The following MYLK variants were observed in gnomAD, a reference collection of about 807,000 sequenced individuals.
MYLK encodes myosin light chain kinase, also known as myosin light chain kinase, smooth muscle.
MYLK carries 106 observed loss-of-function variants against 203.4 expected under a neutral mutation model. The ratio of observed to expected loss-of-function variants is 0.52; its 90% CI spans 0.45 to 0.61. The LOEUF is 0.61. Ranked by LOEUF, MYLK falls within the 20% of genes least tolerant of loss-of-function variation. The pLI, the probability that MYLK is intolerant of heterozygous loss-of-function variation, is 0.00. For synonymous variants in MYLK, 867 were observed against 959.5 expected, an observed-to-expected ratio of 0.90 and a Z score of 1.78; for missense variants, 2,072 against 2,442.3, an observed-to-expected ratio of 0.85 and a Z score of 3.20.
At chr3:123,786,526 G>A (rs2064532866) in intron 4 of MYLK, among the ~76,000 whole-genome samples, 5 of 112,048 alleles carry the variant, frequency 4.5e-5, no homozygotes, top group African/African-American at 6.7e-5. Flanking sequence ...GAGGGTGGGG[G>A]TGGGGGAGGA....
intron 4 of MYLK, among the ~76,000 whole-genome samples, chr3:123,767,638 G>A (rs2063748429): frequency 6.6e-6 from 1 of 152,134 alleles, no homozygotes; most frequent in Admixed American, 6.5e-5. Context: ...ACAAATGCAT[G>A]GCTGGTGCCA....
intron 4 of MYLK, among the ~76,000 whole-genome samples, chr3:123,760,564 T>A (rs888775102): frequency 6.6e-6 from 1 of 152,184 alleles, no homozygotes; most frequent in Non-Finnish European, 1.5e-5. Context: ...CTTCTTTTCT[T>A]CAAAGTCAAC....
intron 2 of MYLK, among the ~76,000 whole-genome samples, chr3:123,834,183 C>G (rs1306120722): frequency 1.3e-5 from 2 of 152,074 alleles, no homozygotes; most frequent in Non-Finnish European, 2.9e-5. Flanking sequence ...GTAGTTGGGA[C>G]TACAGGTGCA....
At chr3:123,859,325 G>C (rs187942549) in intron 2 of MYLK, among the ~76,000 whole-genome samples, 6 of 152,334 alleles carry the variant, frequency 3.9e-5, no homozygotes, top group Admixed American at 6.5e-5. Context: ...GCAACTAAAT[G>C]TTTAACATTA....
At chr3:123,716,782 G>T (rs2061909651) in intron 13 of MYLK, among the ~76,000 whole-genome samples, 1 of 152,106 alleles carries the variant, frequency 6.6e-6, no homozygotes, top group Non-Finnish European at 1.5e-5. Context: ...GACTGACTAT[G>T]GGCTGTAGAG....
intron 2 of MYLK, among the ~76,000 whole-genome samples, chr3:123,848,715 G>C (rs1461174554): frequency 6.6e-6 from 1 of 152,110 alleles, no homozygotes; most frequent in Non-Finnish European, 1.5e-5. Context: ...TGCTAAACTG[G>C]AAGTAAAGCA....
intron 8 of MYLK, 86 bp downstream of exon 8, chr3:123,737,292 C>G: frequency 6.4e-7 from 1 of 1,561,924 alleles, no homozygotes; most frequent in South Asian, 1.1e-5. Context: ...TATACACACA[C>G]AGGTGCGCAG....
Position 123,666,233 on chromosome 3 carries a change from T to G in MYLK, c.3817A>C (p.Lys1273Gln). 2.5e-6 allele frequency: 4 copies of G among 1,614,218 alleles called. No individual in the cohort carries two copies. Among genetic ancestry groups the G allele is most frequent in the Non-Finnish European group, 3.4e-6 (4 of 1,180,032 alleles). Reference sequence around the variant, plus strand: ...CCGTCACTGACCTGCTTTCGGAACTTCATCCAGGTACAGGTGATGGGCTGA... The same window carrying G: ...CCGTCACTGACCTGCTTTCGGAACTGCATCCAGGTACAGGTGATGGGCTGA... Reference protein sequence around the residue: ...GTQPITCTWMKFRKQIQESEH... With the variant: ...GTQPITCTWMQFRKQIQESEH... Residue 1273 changes from lysine (K) to glutamine (Q), a missense_variant, in exon 22 of 34, where the codon AAG becomes CAG. Around this residue, in one of 3 missense-constraint regions of MYLK, gnomAD observed 865 missense variants for 1,016.0 expected, o/e 0.85. Coordinates refer to ENST00000360304, the MANE Select transcript of MYLK (RefSeq NM_053025.4).
intron 3 of MYLK, among the ~76,000 whole-genome samples, chr3:123,806,081 TTTTTA>T (rs145916864): frequency 0.46 from 69,215 of 151,614 alleles, 18,782 homozygotes; most frequent in Non-Finnish European, 0.64. Context: ...CATGCTTTTA[TTTTTA>T]TTTTATTTTT....
chr3:123,824,340 T>C (rs2066041993), intron 3 of MYLK, among the ~76,000 whole-genome samples: 1 of 152,210 alleles, frequency 6.6e-6, no homozygotes, highest in African/African-American at 2.4e-5. Flanking sequence ...TCCATCCGCC[T>C]TGGTCTCCCA....
intron 2 of MYLK, among the ~76,000 whole-genome samples, chr3:123,837,069 C>T (rs1002828208): frequency 7.2e-5 from 11 of 152,080 alleles, no homozygotes; most frequent in East Asian, 1.9e-4. Flanking sequence ...GACGGAGTTT[C>T]GCTCTTGTTG....
Position 123,640,692 on chromosome 3 carries a change from T to C in MYLK, c.4620-188A>G, listed in dbSNP as rs2306603. ...AGGGTCAGGGCCTCCTGGTTTCCCA[T>C]CAGGGAACCCTGCCCTGCACCTTCT... is the stretch of plus-strand genomic sequence containing the variant. On this transcript the variant is annotated intron_variant, in intron 27 of 33. Transcript: ENST00000360304. The surrounding 1 kb of genome is among the most constrained non-coding windows in gnomAD (Gnocchi z 4.3). Among the ~76,000 whole-genome samples, 18,345 of 152,116 alleles carry C rather than the reference T, an allele frequency of 0.12. 2,600 individuals are homozygous for C. Among genetic ancestry groups the C allele is most frequent in the East Asian group, 0.59 (3,029 of 5,100 alleles).
intron 16 of MYLK, among the ~76,000 whole-genome samples, chr3:123,704,016 G>A (rs2061353176): frequency 6.6e-6 from 1 of 152,220 alleles, no homozygotes; most frequent in Admixed American, 6.5e-5. Context: ...GCAGGTAAGG[G>A]CTTCTGTCAC....
At chr3:123,865,686 C>T (rs16834828) in intron 2 of MYLK, among the ~76,000 whole-genome samples, 1 of 152,146 alleles carries the variant, frequency 6.6e-6, no homozygotes, top group Non-Finnish European at 1.5e-5. Context: ...ATTTTTACTT[C>T]AGGTTAACTT....
intron 16 of MYLK, among the ~76,000 whole-genome samples, chr3:123,706,696 G>A (rs145313553): frequency 0.015 from 2,312 of 151,902 alleles, 59 homozygotes; most frequent in South Asian, 0.085. Flanking sequence ...ACCCAATGTC[G>A]ACTATGGGCT....
chr3:123,771,604 TA>T (rs2108986592), intron 4 of MYLK, among the ~76,000 whole-genome samples: 1 of 152,348 alleles, frequency 6.6e-6, no homozygotes, highest in East Asian at 1.9e-4. Flanking sequence ...TGTTCAATGA[TA>T]AAAGCATTAA....
chr3:123,615,401 T>C (rs1469342032), intron 33 of MYLK, among the ~76,000 whole-genome samples: 1 of 151,994 alleles, frequency 6.6e-6, no homozygotes. Context: ...TAGCGTGATC[T>C]TGGCTCACTG....
At position 123,853,122 on chromosome 3, in the gene MYLK, TAG is replaced by T. The variant is rs112949209; in HGVS notation, c.-126-21454_-126-21453del. On this transcript the variant is annotated intron_variant, in intron 2 of 33. Transcript: ENST00000360304. ...CTAATCCCAAGTCACCGAATAACTCTAGAGAGAAAAAAAAAAATTGTGGGTGT... is the reference window on the plus strand; with the variant it reads ...CTAATCCCAAGTCACCGAATAACTCTAGAGAAAAAAAAAAATTGTGGGTGT... Among the ~76,000 whole-genome samples the T allele has an allele frequency of 6.6e-3, 994 of 151,444 alleles. 9 individuals are homozygous for T. The highest frequency in any genetic ancestry group is 0.02 in the African/African-American group (839 of 41,340).
intron 5 of MYLK, 115 bp from the exon 6 acceptor site, chr3:123,740,116 T>TGAGC (rs2062813064): frequency 1.0e-6 from 1 of 978,220 alleles, no homozygotes; most frequent in Non-Finnish European, 1.6e-6. Context: ...TAATCTTGAC[T>TGAGC]GAGCATGGGC....
Sources: gnomAD v4.1 joint callset for allele counts (sites outside exome capture counted in the v4.1 genomes callset) on GRCh38, gnomAD v4.1.1 for gene constraint, gnomAD v4.1.1 regional missense constraint, Gnocchi (gnomAD v3.1) non-coding constraint, MANE v1.5 for transcripts, NCBI Gene and HGNC (gene_info 2026-07-23, HGNC 2026-07-21) for gene names.